Variants in PPARA observed in about 807,000 individuals in gnomAD.
PPARA encodes the protein peroxisome proliferator-activated receptor alpha.
In PPARA, 22 loss-of-function variants were observed where a neutral mutation model predicts 42.2. That is an observed-to-expected ratio of 0.52 (90% confidence interval 0.37 to 0.74). The LOEUF (loss-of-function observed/expected upper bound fraction) is 0.74. PPARA is among the 30% of genes least tolerant of loss of function. The probability of loss-of-function intolerance (pLI) is 0.00; values close to 1 mark genes in which losing one functional copy is unlikely to be tolerated. For missense variants in PPARA, 465 were observed against 608.2 expected (o/e 0.76, Z 2.48); for synonymous variants, 242 against 239.3 (o/e 1.01, Z -0.10).
Position 46,167,206 on chromosome 22 carries a change from A to G in PPARA, c.-126-9547A>G, listed in dbSNP as rs1462028631. ...GCAAAAGAACCTCAACCTTCAGCTC[A>G]CAGCACTACAAACTCATAATTATTA... is the stretch of plus-strand genomic sequence containing the variant. On this transcript the variant is annotated intron_variant, in intron 2 of 8. Transcript: ENST00000407236. The surrounding 1 kb of genome is among the most constrained non-coding windows in gnomAD (Gnocchi z 4.1). 6.6e-6 allele frequency among the ~76,000 whole-genome samples: 1 copy of G among 151,772 alleles called. No individual in the cohort carries two copies. Among genetic ancestry groups the G allele is most frequent in the Non-Finnish European group, 1.5e-5 (1 of 67,952 alleles).
At position 46,180,194 on chromosome 22, in the gene PPARA, C is replaced by CTT. The variant is rs201465094; in HGVS notation, c.-43+3371_-43+3372dup. Among the ~76,000 whole-genome samples the CTT allele has an allele frequency of 1.3e-4, 18 of 140,374 alleles. No individual in the cohort carries two copies. Among genetic ancestry groups the CTT allele is most frequent in the East Asian group, 4.1e-4 (2 of 4,872 alleles). The allele number at this position is 140,374 out of a possible 152,430, so 92.1% of individuals were successfully genotyped here. A position where few individuals can be genotyped will look rare whatever the true frequency, so the allele number is the denominator to read the frequency against. On this transcript the variant is annotated intron_variant, in intron 3 of 8. Coordinates refer to ENST00000407236, the MANE Select transcript of PPARA (RefSeq NM_005036.6). The surrounding 1 kb of genome is among the most constrained non-coding windows in gnomAD (Gnocchi z 4.2). The stretch of plus-strand genomic sequence containing the variant: ...ACATTGAAAAACAGGTTGGCAGTTG[C>CTT]TTTTTTTTTTTTTTGAGATGGAGTC...
In PPARA at chr22:46,184,094, G is replaced by A; in HGVS notation, c.-43+7258G>A. ...TGACAGTGCCTGGCATAGGATAAGG[G>A]CTCAAAAAGTGTTAGCTGGAACTAC... On this transcript the variant is annotated intron_variant, in intron 3 of 8. Transcript: ENST00000407236. The surrounding 1 kb of genome is among the most constrained non-coding windows in gnomAD (Gnocchi z 4.4). 6.6e-6 allele frequency among the ~76,000 whole-genome samples: 1 copy of A among 152,196 alleles called. No homozygotes were observed. The highest frequency in any genetic ancestry group is 1.5e-5 in the Non-Finnish European group (1 of 68,038).
rs771676686 is a variant in PPARA, at chr22:46,231,663, G to A, written c.712-129G>A. The A allele has an allele frequency of 3.7e-5, 33 of 895,734 alleles. No homozygotes were observed. The highest frequency in any genetic ancestry group is 3.3e-5 in the African/African-American group (2 of 60,356). 55.5% of individuals were successfully genotyped at this position (895,734 alleles called of 1,614,324 possible). A position where few individuals can be genotyped will look rare whatever the true frequency, so the allele number is the denominator to read the frequency against. On this transcript the variant is annotated intron_variant, in intron 7 of 8. Coordinates refer to ENST00000407236, the MANE Select transcript of PPARA (RefSeq NM_005036.6). This position sits in a 1 kb window ranked among gnomAD's most constrained non-coding sequence, Gnocchi z 7.7. ...AAGTTGAGTAAGGACTATGTTCCGC[G>A]GGTATCTTGAGTCCTCTGAGGCACT...
At chr22:46,209,963 T>C (rs1933759742) in intron 4 of PPARA, among the ~76,000 whole-genome samples, 1 of 152,136 alleles carries the variant, frequency 6.6e-6, no homozygotes, top group East Asian at 1.9e-4. Flanking sequence ...CAGACTGGTC[T>C]CAAACTCCTG....
In PPARA at chr22:46,233,515, C is replaced by G. The variant is rs911683253; in HGVS notation, c.1159+1276C>G. Among the ~76,000 whole-genome samples, 1 of 152,234 alleles carries G rather than the reference C, an allele frequency of 6.6e-6. No homozygotes were observed. Among genetic ancestry groups the G allele is most frequent in the African/African-American group, 2.4e-5 (1 of 41,466 alleles). On this transcript the variant is annotated intron_variant, in intron 8 of 8. Transcript: ENST00000407236. The surrounding 1 kb of genome is among the most constrained non-coding windows in gnomAD (Gnocchi z 7.3). ...CTGTCAGCATGGAGCTGACTCAGCCCTACCAGCCGTGCCCGTTACTGTGTG... is the reference window on the plus strand; with the variant it reads ...CTGTCAGCATGGAGCTGACTCAGCCGTACCAGCCGTGCCCGTTACTGTGTG...
Position 46,150,759 on chromosome 22 carries a change from G to A in PPARA, c.-210+107G>A, listed in dbSNP as rs1924277493. 1 of 150,942 alleles carries A rather than the reference G, an allele frequency of 6.6e-6. No homozygotes were observed. The highest frequency in any genetic ancestry group is 2.4e-5 in the African/African-American group (1 of 41,278). The allele number at this position is 150,942 out of a possible 1,614,324, so 9.4% of individuals were successfully genotyped here. ...GGGCGGCGGACGGGGGAGGGGCAGG[G>A]GCTGGGCGGCGCATGCGCGGGGCCC... On this transcript the variant is annotated intron_variant, in intron 1 of 8. Transcript: ENST00000407236. The surrounding 1 kb of genome is among the most constrained non-coding windows in gnomAD (Gnocchi z 7.5).
Position 46,180,982 on chromosome 22 carries a change from G to T in PPARA, c.-43+4146G>T, listed in dbSNP as rs986330643. Among the ~76,000 whole-genome samples, 1 of 152,194 alleles carries T rather than the reference G, an allele frequency of 6.6e-6. No individual in the cohort carries two copies. Among genetic ancestry groups the T allele is most frequent in the East Asian group, 1.9e-4 (1 of 5,190 alleles). On this transcript the variant is annotated intron_variant, in intron 3 of 8. Coordinates refer to ENST00000407236, the MANE Select transcript of PPARA (RefSeq NM_005036.6). This position sits in a 1 kb window ranked among gnomAD's most constrained non-coding sequence, Gnocchi z 4.2. The stretch of plus-strand genomic sequence containing the variant: ...ACAGCACAACGGAACCTATAAAGGG[G>T]TTGCAGGACGGTTCCAGCAGGGGCT...
chr22:46,175,636 C>T (rs569397575), intron 2 of PPARA, among the ~76,000 whole-genome samples: 1 of 151,808 alleles, frequency 6.6e-6, no homozygotes, highest in East Asian at 1.9e-4. Context: ...ATGGTGTGGA[C>T]CCGGGAGACG....
At chr22:46,220,337 T>C (rs1934900072) in intron 7 of PPARA, 1 of 372,282 alleles carries the variant, frequency 2.7e-6, no homozygotes, top group Non-Finnish European at 5.2e-6. Context: ...TAAATAGAGA[T>C]AGGTTCTTGC....
In PPARA at chr22:46,201,094, A is replaced by G. The variant is rs145238130; in HGVS notation, c.208+2503A>G. On this transcript the variant is annotated intron_variant, in intron 4 of 8. Coordinates refer to ENST00000407236, the MANE Select transcript of PPARA (RefSeq NM_005036.6). The stretch of plus-strand genomic sequence containing the variant: ...CCAAGCATGGTGGTACACACCTGTA[A>G]TGCCTGGGCAACAGAGCAAGATTCC... 3.5e-3 allele frequency among the ~76,000 whole-genome samples: 534 copies of G among 150,614 alleles called. 5 individuals carry two copies. Among genetic ancestry groups the G allele is most frequent in the African/African-American group, 0.013 (522 of 40,780 alleles).
At chr22:46,169,469 C>T (rs75996693) in intron 2 of PPARA, among the ~76,000 whole-genome samples, 4,124 of 151,868 alleles carry the variant, frequency 0.027, 209 homozygotes, top group African/African-American at 0.094. Flanking sequence ...CTCCTGCTGT[C>T]GTGATCTGCC....
At position 46,187,832 on chromosome 22, in the gene PPARA, T is replaced by C. The variant is rs765467857; in HGVS notation, c.-42-10510T>C. Among the ~76,000 whole-genome samples the C allele has an allele frequency of 1.6e-4, 24 of 152,228 alleles. No individual in the cohort carries two copies. Among genetic ancestry groups the C allele is most frequent in the Non-Finnish European group, 2.9e-4 (20 of 68,050 alleles). ...TCTTCCCATCAAGAGGTAGAGTTTA[T>C]TTCCCCACCTCTTGGATCTGGCTTG... On this transcript the variant is annotated intron_variant, in intron 3 of 8. Coordinates refer to ENST00000407236, the MANE Select transcript of PPARA (RefSeq NM_005036.6). The surrounding 1 kb of genome is among the most constrained non-coding windows in gnomAD (Gnocchi z 4.9).
chr22:46,181,592 C>G (rs1186273745), intron 3 of PPARA, among the ~76,000 whole-genome samples: 1 of 152,090 alleles, frequency 6.6e-6, no homozygotes, highest in Non-Finnish European at 1.5e-5. Context: ...AAGTTGTCCC[C>G]CCCAAAGATT....
At chr22:46,194,591 T>G (rs9680739) in intron 3 of PPARA, among the ~76,000 whole-genome samples, 1 of 127,826 alleles carries the variant, frequency 7.8e-6, no homozygotes, top group African/African-American at 3.1e-5. Flanking sequence ...TTTTTTTTTG[T>G]GACAGAGTCT....
Position 46,240,373 on chromosome 22 carries a change from C to T in PPARA, c.*4993C>T, listed in dbSNP as rs948673308. 5 of 396,696 alleles carry T rather than the reference C, an allele frequency of 1.3e-5. No homozygotes were observed. The East Asian group carries it at 1.8e-4, about 14-fold the overall frequency. 24.6% of individuals were successfully genotyped at this position (396,696 alleles called of 1,614,324 possible). A position where few individuals can be genotyped will look rare whatever the true frequency, so the allele number is the denominator to read the frequency against. Reference sequence around the variant, plus strand: ...ACTTTCTCCACCTCCTGCAGCCTCCCTGTTGTTTCTAGACTCTTGCACCTG... The same window carrying T: ...ACTTTCTCCACCTCCTGCAGCCTCCTTGTTGTTTCTAGACTCTTGCACCTG... On this transcript the variant is annotated 3_prime_UTR_variant, in exon 9 of 9. Coordinates refer to ENST00000407236, the MANE Select transcript of PPARA (RefSeq NM_005036.6). This position sits in a 1 kb window ranked among gnomAD's most constrained non-coding sequence, Gnocchi z 6.0.
In PPARA at chr22:46,204,956, C is replaced by G. The variant is rs1254560682; in HGVS notation, c.208+6365C>G. Reference sequence around the variant, plus strand: ...GATCATGGCTTACTGCAGCCTTGACCTCTTGGGCTCAGGAAACCCTCCGAC... The same window carrying G: ...GATCATGGCTTACTGCAGCCTTGACGTCTTGGGCTCAGGAAACCCTCCGAC... On this transcript the variant is annotated intron_variant, in intron 4 of 8. Transcript: ENST00000407236. The surrounding 1 kb of genome is among the most constrained non-coding windows in gnomAD (Gnocchi z 5.2). Among the ~76,000 whole-genome samples, 1 of 152,060 alleles carries G rather than the reference C, an allele frequency of 6.6e-6. No individual in the cohort carries two copies. The highest frequency in any genetic ancestry group is 2.4e-5 in the African/African-American group (1 of 41,408).
intron 4 of PPARA, 109 bp downstream of exon 4, chr22:46,198,700 G>T (rs202011775): frequency 2.3e-5 from 27 of 1,151,692 alleles, no homozygotes; most frequent in East Asian, 2.8e-5. Flanking sequence ...TCGCTCTGTC[G>T]CCCAGGCTGG....
chr22:46,174,261 G>GGAAA (rs1928631193), intron 2 of PPARA, among the ~76,000 whole-genome samples: 2 of 148,154 alleles, frequency 1.3e-5, no homozygotes, highest in Admixed American at 6.9e-5. Flanking sequence ...AAGGAAGGAA[G>GGAAA]GAAGGAAGGA....
chr22:46,188,368 AC>A lies in PPARA; in HGVS notation c.-42-9971del, dbSNP rs1328795755. On this transcript the variant is annotated intron_variant, in intron 3 of 8. Transcript: ENST00000407236. This position sits in a 1 kb window ranked among gnomAD's most constrained non-coding sequence, Gnocchi z 5.0. ...TTCCCTTTTCCTTGAAATGGCCCTT[AC>A]CCTCCTTTCTGTTGGGTTTTCCTAT... 6.6e-6 allele frequency among the ~76,000 whole-genome samples: 1 copy of A among 151,880 alleles called. No homozygotes were observed. The highest frequency in any genetic ancestry group is 1.5e-5 in the Non-Finnish European group (1 of 67,986).
Sources: gnomAD v4.1 joint callset for allele counts (sites outside exome capture counted in the v4.1 genomes callset) on GRCh38, gnomAD v4.1.1 for gene constraint, Gnocchi (gnomAD v3.1) non-coding constraint, MANE v1.5 for transcripts, NCBI Gene and HGNC (gene_info 2026-07-23, HGNC 2026-07-21) for gene names.